The following CRHR2 variants were observed in gnomAD, a reference collection of about 807,000 sequenced individuals.
CRHR2 encodes corticotropin releasing hormone receptor 2, also known as corticotropin-releasing hormone receptor 2.
In CRHR2, 53 loss-of-function variants were observed where a neutral mutation model predicts 57.9. The observed-to-expected ratio is 0.92, with a 90% CI of 0.73 to 1.15. CRHR2 has a LOEUF of 1.15. Ranked by LOEUF, CRHR2 falls within the 50% of genes most tolerant of loss-of-function variation. CRHR2 has a pLI of 0.00. For missense variants in CRHR2, 532 were observed against 542.6 expected, an observed-to-expected ratio of 0.98 and a Z score of 0.19; for synonymous variants, 213 against 220.9, an observed-to-expected ratio of 0.96 and a Z score of 0.32.
chr7:30,657,929 A>G (rs1211518550), intron 8 of CRHR2, among the ~76,000 whole-genome samples: 5 of 152,054 alleles, frequency 3.3e-5, no homozygotes, highest in Non-Finnish European at 5.9e-5. Context: ...CCCAATAACC[A>G]ATCCATTCAG....
upstream of CRHR2, chr7:30,686,283 A>T: frequency 7.4e-7 from 1 of 1,355,626 alleles, no homozygotes; most frequent in Non-Finnish European, 9.5e-7. Flanking sequence ...CTACCAGCCC[A>T]TGCCTCCCCA....
upstream of CRHR2, chr7:30,686,401 G>A: frequency 6.5e-7 from 1 of 1,533,330 alleles, no homozygotes; most frequent in Non-Finnish European, 8.7e-7. Context: ...TGGCAGAAGA[G>A]CTGAGGAAAG....
At position 30,664,412 on chromosome 7, in the gene CRHR2, G is replaced by A. The variant is rs1467243477; in HGVS notation, c.543+658C>T. ...CCTTGGCGAGTCACTTAACCTCTGT[G>A]AGTCTCAGTTTCCATGTCTATGTAA... On this transcript the variant is annotated intron_variant, in intron 5 of 11. Transcript: ENST00000471646. Among the ~76,000 whole-genome samples the A allele has an allele frequency of 3.3e-5, 5 of 152,322 alleles. No homozygotes were observed. In the South Asian group the frequency reaches 1.0e-3, roughly 32 times the overall value.
intron 2 of CRHR2, among the ~76,000 whole-genome samples, chr7:30,669,932 C>T (rs750106823): frequency 1.2e-4 from 18 of 152,230 alleles, no homozygotes; most frequent in Admixed American, 2.6e-4. Flanking sequence ...CCACTGCTCA[C>T]GGATGAACTC....
chr7:30,679,060 C>A (rs535253747), intron 2 of CRHR2, among the ~76,000 whole-genome samples: 4 of 152,296 alleles, frequency 2.6e-5, no homozygotes, highest in Admixed American at 2.6e-4. Flanking sequence ...GTTCTCCATA[C>A]AACACACTCC....
chr7:30,657,680 A>G (rs1345132322), intron 8 of CRHR2, among the ~76,000 whole-genome samples: 1 of 152,196 alleles, frequency 6.6e-6, no homozygotes, highest in Middle Eastern at 3.4e-3. Context: ...AATCAATTCA[A>G]TTATCCACCC....
upstream of CRHR2, among the ~76,000 whole-genome samples, chr7:30,686,059 C>T (rs1344954822): frequency 1.3e-5 from 2 of 152,030 alleles, no homozygotes; most frequent in African/African-American, 4.8e-5. Context: ...TCATCGTCCC[C>T]CATCCTCACC....
In CRHR2 at chr7:30,682,254, C is replaced by G; in HGVS notation, c.27G>C (p.Leu9=). The G allele has an allele frequency of 6.3e-7, 1 of 1,587,100 alleles. No homozygotes were observed. The highest frequency in any genetic ancestry group is 8.5e-7 in the Non-Finnish European group (1 of 1,173,670). Residue 9 remains leucine, a synonymous_variant, in exon 1 of 12, where the codon CTG becomes CTC. Transcript: ENST00000471646. ...GCGCCAGGCTGCAGTTGGCCTCCAG[C>G]AGGCTGTGGAGCAGTGCCGCGTCCA... MDAALLHS[L]LEANCSLALA... is the part of the protein sequence containing the mutation.
Position 30,662,564 on chromosome 7 carries a change from C to T in CRHR2, c.697+130G>A, listed in dbSNP as rs1320371888. The T allele has an allele frequency of 4.5e-6, 5 of 1,103,630 alleles. No individual in the cohort carries two copies. The African/African-American group carries it at 7.9e-5, about 17-fold the overall frequency. The allele number at this position is 1,103,630 out of a possible 1,614,324, so 68.4% of individuals were successfully genotyped here. A position where few individuals can be genotyped will look rare whatever the true frequency, so the allele number is the denominator to read the frequency against. Reference sequence around the variant, plus strand: ...TCCTCACCAGCATGGAGGGAAGTAGCTGCATCCACCGGACTGCGCTGGGGG... The same window carrying T: ...TCCTCACCAGCATGGAGGGAAGTAGTTGCATCCACCGGACTGCGCTGGGGG... On this transcript the variant is annotated intron_variant, in intron 6 of 11. Coordinates refer to ENST00000471646, the MANE Select transcript of CRHR2 (RefSeq NM_001883.5).
chr7:30,660,445 CG>C (rs997461351), intron 8 of CRHR2, 127 bp downstream of exon 8: 31 of 914,510 alleles, frequency 3.4e-5, no homozygotes, highest in Non-Finnish European at 5.2e-5. Flanking sequence ...GGACAGGGTA[CG>C]GGGGTGGCAT....
chr7:30,681,410 C>G (rs1431131379), intron 2 of CRHR2, among the ~76,000 whole-genome samples: 3 of 152,192 alleles, frequency 2.0e-5, no homozygotes, highest in Non-Finnish European at 4.4e-5. Flanking sequence ...CATGTCCTCC[C>G]CACGAAACAT....
At chr7:30,662,900 C>T (rs972476504) in intron 5 of CRHR2, 53 bp from the exon 6 acceptor site, 5 of 1,587,740 alleles carry the variant, frequency 3.1e-6, no homozygotes, top group African/African-American at 2.7e-5. Flanking sequence ...CCAGGTAGGA[C>T]ATACCCATCC....
At chr7:30,683,155 C>G (rs551718423), upstream of CRHR2, among the ~76,000 whole-genome samples, 3 of 152,318 alleles carry the variant, frequency 2.0e-5, no homozygotes, top group South Asian at 6.2e-4. Context: ...GCTTGAGTGA[C>G]TGGGTGGCCA....
chr7:30,678,860 A>C (rs929875101), intron 2 of CRHR2, among the ~76,000 whole-genome samples: 1 of 152,150 alleles, frequency 6.6e-6, no homozygotes, highest in East Asian at 1.9e-4. Context: ...CCTGCGGTCT[A>C]CCTGGGTCTG....
intron 1 of CRHR2, chr7:30,689,432 G>A: frequency 2.8e-6 from 2 of 703,520 alleles, no homozygotes; most frequent in Non-Finnish European, 4.9e-6. Context: ...ATGGCCACAT[G>A]GAGCAGCAGC....
chr7:30,695,862 C>A (rs1471039763), intron 1 of CRHR2, among the ~76,000 whole-genome samples: 1 of 152,230 alleles, frequency 6.6e-6, no homozygotes, highest in Non-Finnish European at 1.5e-5. Context: ...CGTGAGCTCA[C>A]CTCACTTCCT....
intron 1 of CRHR2, among the ~76,000 whole-genome samples, chr7:30,697,087 C>T (rs769962359): frequency 5.9e-5 from 9 of 152,208 alleles, no homozygotes; most frequent in Non-Finnish European, 1.3e-4. Context: ...CCTGGAGCCC[C>T]GGCTCTGCAG....
intron 1 of CRHR2, among the ~76,000 whole-genome samples, chr7:30,696,522 C>G (rs1785061000): frequency 6.6e-6 from 1 of 152,120 alleles, no homozygotes; most frequent in African/African-American, 2.4e-5. Context: ...GAGATCGAGA[C>G]CATCCTGGCC....
chr7:30,665,471 T>C lies in CRHR2; in HGVS notation c.425+59A>G. 1 of 1,361,292 alleles carries C rather than the reference T, an allele frequency of 7.3e-7. No homozygotes were observed. The highest frequency in any genetic ancestry group is 1.0e-6 in the Non-Finnish European group (1 of 978,134). 84.3% of individuals were successfully genotyped at this position (1,361,292 alleles called of 1,614,324 possible). On this transcript the variant is annotated intron_variant, in intron 4 of 11. Coordinates refer to ENST00000471646, the MANE Select transcript of CRHR2 (RefSeq NM_001883.5). This position sits in a 1 kb window ranked among gnomAD's most constrained non-coding sequence, Gnocchi z 4.5. Reference sequence around the variant, plus strand: ...TGGAGGTGAGAATGTCTGGGAGAGGTGAAGGGGGTGCTGTAGGGGGAGGGA... The same window carrying C: ...TGGAGGTGAGAATGTCTGGGAGAGGCGAAGGGGGTGCTGTAGGGGGAGGGA...
Sources: gnomAD v4.1 joint callset for allele counts (sites outside exome capture counted in the v4.1 genomes callset) on GRCh38, gnomAD v4.1.1 for gene constraint, Gnocchi (gnomAD v3.1) non-coding constraint, MANE v1.5 for transcripts, NCBI Gene and HGNC (gene_info 2026-07-23, HGNC 2026-07-21) for gene names.